The following TMPRSS11E variants were observed in gnomAD, a reference collection of about 807,000 sequenced individuals.
TMPRSS11E encodes transmembrane serine protease 11E.
TMPRSS11E carries 38 observed loss-of-function variants against 48.1 expected under a neutral mutation model. The observed-to-expected ratio is 0.79, with a 90% confidence interval of 0.61 to 1.04. The LOEUF (loss-of-function observed/expected upper bound fraction) is 1.04, where lower values mean the gene tolerates loss of function less well. Among genes scored for constraint, TMPRSS11E ranks in the 50% least tolerant of loss-of-function variants. The pLI, the probability that TMPRSS11E is intolerant of heterozygous loss-of-function variation, is 0.00. For synonymous variants in TMPRSS11E, 158 were observed against 171.9 expected, an observed-to-expected ratio of 0.92 and a Z score of 0.63; for missense variants, 530 against 510.8, an observed-to-expected ratio of 1.04 and a Z score of -0.36.
intron 9 of TMPRSS11E, among the ~76,000 whole-genome samples, chr4:68,489,356 G>A (rs1410672529): frequency 6.6e-6 from 1 of 152,168 alleles, no homozygotes; most frequent in Non-Finnish European, 1.5e-5. Flanking sequence ...GGAATGAGGT[G>A]TTCCTGGTCC....
At chr4:68,452,766 C>T (rs942012257) in intron 1 of TMPRSS11E, among the ~76,000 whole-genome samples, 1 of 151,928 alleles carries the variant, frequency 6.6e-6, no homozygotes, top group African/African-American at 2.4e-5. Context: ...AAAAATATTT[C>T]AAACCAATCT....
At chr4:68,496,592 C>T (rs1337387450) in intron 9 of TMPRSS11E, 51 bp from the exon 10 acceptor site, 4 of 1,523,226 alleles carry the variant, frequency 2.6e-6, no homozygotes, top group Admixed American at 2.1e-5. Context: ...ATAGCCAATT[C>T]CTCTGTAATG....
At chr4:68,472,089 C>T (rs1011524958) in intron 5 of TMPRSS11E, among the ~76,000 whole-genome samples, 4 of 151,880 alleles carry the variant, frequency 2.6e-5, no homozygotes, top group African/African-American at 9.7e-5. Context: ...ATATTTACAA[C>T]TATAAATGAA....
chr4:68,456,051 G>A (rs1273849365), intron 1 of TMPRSS11E, among the ~76,000 whole-genome samples: 2 of 151,906 alleles, frequency 1.3e-5, no homozygotes, highest in African/African-American at 4.8e-5. Context: ...CACCTGTGCT[G>A]TACCATATTT....
chr4:68,488,081 T>G (rs1006209279), intron 9 of TMPRSS11E, among the ~76,000 whole-genome samples: 11 of 152,130 alleles, frequency 7.2e-5, no homozygotes, highest in Non-Finnish European at 1.2e-4. Flanking sequence ...TTTGCTCTAC[T>G]GCTTTTAAGA....
At chr4:68,494,149 T>A (rs1010487755) in intron 9 of TMPRSS11E, among the ~76,000 whole-genome samples, 11 of 152,114 alleles carry the variant, frequency 7.2e-5, no homozygotes, top group African/African-American at 2.7e-4. Context: ...CCATCTTTTC[T>A]TTGAACTCAG....
chr4:68,448,368 C>T (rs1263903394), intron 1 of TMPRSS11E, among the ~76,000 whole-genome samples: 1 of 151,934 alleles, frequency 6.6e-6, no homozygotes, highest in African/African-American at 2.4e-5. Flanking sequence ...GTTTAATACT[C>T]TTCTGTACAT....
rs756310285 is a variant in TMPRSS11E, at chr4:68,461,944, T to C, written c.135T>C (p.Tyr45=). 17 of 1,614,162 alleles carry C rather than the reference T, an allele frequency of 1.1e-5. 1 individual carries two copies. In the South Asian group the frequency reaches 1.4e-4, roughly 14 times the overall value. ...GACTCACTGTTCATTATGTGAGATA[T>C]AGTAAGTATAAGCTGCCTTGGCATC... ...CIGLTVHYVR[Y]NQKKTYNYYS... The change falls in exon 2 of 10, where the codon TAT becomes TAC. Residue 45 remains tyrosine (Y), a splice_region_variant and synonymous_variant. Coordinates refer to ENST00000305363, the MANE Select transcript of TMPRSS11E (RefSeq NM_014058.4).
intron 1 of TMPRSS11E, among the ~76,000 whole-genome samples, chr4:68,454,766 G>T (rs1158242291): frequency 6.6e-6 from 1 of 151,910 alleles, no homozygotes; most frequent in Admixed American, 6.6e-5. Flanking sequence ...CAAGGTGTCA[G>T]CATGTGGCCC....
intron 1 of TMPRSS11E, among the ~76,000 whole-genome samples, chr4:68,460,895 T>C (rs1728770282): frequency 6.6e-6 from 1 of 151,700 alleles, no homozygotes; most frequent in Non-Finnish European, 1.5e-5. Context: ...TTTTTTTTTT[T>C]TTTAAGACGG....
At chr4:68,471,650 T>G (rs754664429) in intron 5 of TMPRSS11E, 27 bp downstream of exon 5, 1 of 1,532,388 alleles carries the variant, frequency 6.5e-7, no homozygotes, top group African/African-American at 1.4e-5. Flanking sequence ...TATTTTTCTT[T>G]CATAGAACAG....
chr4:68,474,874 G>C (rs1729168562), intron 6 of TMPRSS11E, 113 bp downstream of exon 6: 1 of 862,082 alleles, frequency 1.2e-6, no homozygotes, highest in Non-Finnish European at 1.8e-6. Flanking sequence ...CATAAAGTTT[G>C]ATTAATTTGT....
chr4:68,481,035 T>C (rs2603176), intron 9 of TMPRSS11E, among the ~76,000 whole-genome samples: 50,385 of 152,080 alleles, frequency 0.33, 8,671 homozygotes, highest in Non-Finnish European at 0.37. Flanking sequence ...AGCTTCCACT[T>C]ATAAGTGAGA....
chr4:68,478,043 G>A (rs1729281417), intron 8 of TMPRSS11E, among the ~76,000 whole-genome samples: 1 of 151,990 alleles, frequency 6.6e-6, no homozygotes, highest in South Asian at 2.1e-4. Flanking sequence ...ATAACTTGTG[G>A]TTCTTTCCTA....
intron 1 of TMPRSS11E, among the ~76,000 whole-genome samples, chr4:68,453,089 T>C (rs756007535): frequency 6.6e-6 from 1 of 151,962 alleles, no homozygotes; most frequent in East Asian, 1.9e-4. Flanking sequence ...TCCTGTCTTT[T>C]ATTCCCTTAG....
chr4:68,462,439 C>T (rs1187854870), intron 2 of TMPRSS11E, among the ~76,000 whole-genome samples: 3 of 148,840 alleles, frequency 2.0e-5, no homozygotes, highest in African/African-American at 7.5e-5. Context: ...AAAAAATAGC[C>T]AGGTGTGATG....
chr4:68,484,725 G>A (rs1489389552), intron 9 of TMPRSS11E, among the ~76,000 whole-genome samples: 1 of 152,164 alleles, frequency 6.6e-6, no homozygotes, highest in Non-Finnish European at 1.5e-5. Flanking sequence ...GAATGAGATT[G>A]CACTCTTGAT....
chr4:68,457,564 T>C (rs1459216132), intron 1 of TMPRSS11E, among the ~76,000 whole-genome samples: 1 of 152,158 alleles, frequency 6.6e-6, no homozygotes, highest in Admixed American at 6.6e-5. Context: ...CCAAAAGGAT[T>C]ATAAATCATG....
chr4:68,478,451 CT>C (rs377068765), intron 8 of TMPRSS11E, among the ~76,000 whole-genome samples: 26 of 73,634 alleles, frequency 3.5e-4, no homozygotes, highest in African/African-American at 1.3e-3. Flanking sequence ...GTATCCCCCG[CT>C]TTTTTTTTTT....
Sources: allele counts gnomAD v4.1 joint callset (sites outside exome capture counted in the v4.1 genomes callset), GRCh38; gene constraint gnomAD v4.1.1; transcripts MANE v1.5; gene names NCBI Gene and HGNC (gene_info 2026-07-23, HGNC 2026-07-21).